Variants in PHKB observed in about 807,000 individuals in gnomAD.
PHKB encodes phosphorylase kinase regulatory subunit beta, also known as phosphorylase b kinase regulatory subunit beta.
PHKB carries 122 observed loss-of-function variants against 152.1 expected under a neutral mutation model. That is an observed-to-expected ratio of 0.80 (90% CI 0.69 to 0.93). The LOEUF is 0.93. Among genes scored for constraint, PHKB ranks in the 40% least tolerant of loss-of-function variants. PHKB has a pLI of 0.00. For synonymous variants in PHKB, 436 were observed against 464.9 expected (o/e 0.94, Z 0.80); for missense variants, 1,304 against 1,328.4 (o/e 0.98, Z 0.29).
intron 6 of PHKB, among the ~76,000 whole-genome samples, chr16:47,545,402 C>T (rs1028138363): frequency 6.6e-5 from 10 of 152,108 alleles, no homozygotes; most frequent in Admixed American, 2.0e-4. Flanking sequence ...CTTTTCTTTA[C>T]GAATGGCGAA....
At position 47,677,465 on chromosome 16, in the gene PHKB, C is replaced by A. The variant is rs531062708; in HGVS notation, c.2630+8048C>A. The stretch of plus-strand genomic sequence containing the variant: ...CTCACAATCTGCAGGCTGGAAAGGC[C>A]AAGGTCAGGGTCCCTGCCAATTTGG... On this transcript the variant is annotated intron_variant, in intron 26 of 30. Coordinates refer to ENST00000323584, the MANE Select transcript of PHKB (RefSeq NM_000293.3). 9.2e-5 allele frequency among the ~76,000 whole-genome samples: 14 copies of A among 152,278 alleles called. No individual in the cohort carries two copies. The South Asian group carries it at 2.3e-3, about 25-fold the overall frequency.
At chr16:47,523,598 G>A (rs1970719697) in intron 6 of PHKB, among the ~76,000 whole-genome samples, 1 of 152,196 alleles carries the variant, frequency 6.6e-6, no homozygotes, top group South Asian at 2.1e-4. Flanking sequence ...GGGAGTATTA[G>A]CTCAGGTCTT....
chr16:47,594,222 TG>T lies in PHKB; in HGVS notation c.1204+9del. On this transcript the variant is annotated intron_variant, in intron 12 of 30. Coordinates refer to ENST00000323584, the MANE Select transcript of PHKB (RefSeq NM_000293.3). ...TTCATCATACCACAGAAGGTATAGT[TG>T]TTTTTTTAAGAAATTCTTCCTACCA... is the stretch of plus-strand genomic sequence containing the variant. 6.9e-7 allele frequency: 1 copy of T among 1,449,418 alleles called. No individual in the cohort carries two copies. The highest frequency in any genetic ancestry group is 9.7e-7 in the Non-Finnish European group (1 of 1,030,524). 89.8% of individuals were successfully genotyped at this position (1,449,418 alleles called of 1,614,324 possible).
chr16:47,553,951 C>T (rs1432449296), intron 7 of PHKB, among the ~76,000 whole-genome samples: 1 of 152,168 alleles, frequency 6.6e-6, no homozygotes, highest in Non-Finnish European at 1.5e-5. Context: ...CCAGCTGGAT[C>T]TCTCCTGTAT....
chr16:47,681,826 G>C (rs1456801319), intron 26 of PHKB, among the ~76,000 whole-genome samples: 2 of 152,080 alleles, frequency 1.3e-5, no homozygotes, highest in South Asian at 2.1e-4. Flanking sequence ...ATGTTAGCTG[G>C]TTATTTTGCT....
intron 14 of PHKB, among the ~76,000 whole-genome samples, chr16:47,614,745 T>C (rs536676697): frequency 1.3e-5 from 2 of 152,360 alleles, no homozygotes; most frequent in South Asian, 4.1e-4. Context: ...AAATTTTTGC[T>C]TCAACCATAA....
intron 26 of PHKB, among the ~76,000 whole-genome samples, chr16:47,679,130 A>T (rs975278961): frequency 6.6e-6 from 1 of 152,016 alleles, no homozygotes; most frequent in African/African-American, 2.4e-5. Context: ...ATTGGTCTAT[A>T]TCTCTGTTTT....
At chr16:47,666,822 A>G (rs1973547808) in intron 25 of PHKB, among the ~76,000 whole-genome samples, 1 of 152,176 alleles carries the variant, frequency 6.6e-6, no homozygotes, top group African/African-American at 2.4e-5. Context: ...TGTTTTCTAT[A>G]AGCTCTAATT....
intron 13 of PHKB, chr16:47,597,921 G>A (rs1355538700): frequency 1.3e-5 from 2 of 151,364 alleles, no homozygotes; most frequent in East Asian, 3.9e-4. Context: ...CTGTGCAATG[G>A]GAAATCTTTC....
intron 3 of PHKB, among the ~76,000 whole-genome samples, chr16:47,501,062 T>A (rs1205195087): frequency 1.3e-5 from 2 of 152,218 alleles, no homozygotes; most frequent in Non-Finnish European, 2.9e-5. Context: ...AATATGGCTT[T>A]ATTAAATGTA....
chr16:47,542,494 G>A (rs2151669075), intron 6 of PHKB, among the ~76,000 whole-genome samples: 1 of 152,174 alleles, frequency 6.6e-6, no homozygotes, highest in Middle Eastern at 3.4e-3. Context: ...ATCTTTTTTG[G>A]TTCCATATGA....
chr16:47,631,793 G>T (rs928465788), intron 14 of PHKB, among the ~76,000 whole-genome samples: 5 of 152,138 alleles, frequency 3.3e-5, no homozygotes, highest in Non-Finnish European at 7.3e-5. Flanking sequence ...CCATGTCCCT[G>T]CAAGGGACAT....
intron 6 of PHKB, among the ~76,000 whole-genome samples, chr16:47,540,980 A>G (rs983088223): frequency 1.3e-5 from 2 of 151,860 alleles, no homozygotes; most frequent in Admixed American, 1.3e-4. Flanking sequence ...GGCATACATC[A>G]CCACGCCTGG....
In PHKB at chr16:47,620,072, GC is replaced by G. The variant is rs1291898200; in HGVS notation, c.1458+9153del. On this transcript the variant is annotated intron_variant, in intron 14 of 30. Transcript: ENST00000323584. ...TGTCTGAAACTATTATATTTAACAG[GC>G]AATAGCCAGCCAGGAATTGCTTTTT... is the stretch of plus-strand genomic sequence containing the variant. Among the ~76,000 whole-genome samples, 6 of 152,182 alleles carry G rather than the reference GC, an allele frequency of 3.9e-5. No individual in the cohort carries two copies. The East Asian group carries it at 9.7e-4, about 25-fold the overall frequency.
At chr16:47,487,041 T>C in intron 1 of PHKB, among the ~76,000 whole-genome samples, 1 of 152,218 alleles carries the variant, frequency 6.6e-6, no homozygotes, top group African/African-American at 2.4e-5. Flanking sequence ...TAGAGAATCA[T>C]TAATGAAACA....
chr16:47,509,798 TCTTGAATTTGAGACA>T (rs1567285135), intron 4 of PHKB, among the ~76,000 whole-genome samples: 1 of 152,100 alleles, frequency 6.6e-6, no homozygotes, highest in Non-Finnish European at 1.5e-5. Flanking sequence ...ACCAAGCAGT[TCTTGAATTTGAGACA>T]CCAACTGGGT....
At chr16:47,633,818 G>A (rs909834993) in intron 14 of PHKB, among the ~76,000 whole-genome samples, 7 of 152,140 alleles carry the variant, frequency 4.6e-5, no homozygotes, top group Non-Finnish European at 8.8e-5. Context: ...ATTAGTTTTG[G>A]GGTAGAGGTA....
chr16:47,572,419 ATG>A (rs1054492537), intron 7 of PHKB, among the ~76,000 whole-genome samples: 1 of 152,070 alleles, frequency 6.6e-6, no homozygotes, highest in African/African-American at 2.4e-5. Context: ...TCTATTTGGG[ATG>A]TGACTATTTA....
intron 7 of PHKB, among the ~76,000 whole-genome samples, chr16:47,569,747 A>T (rs1466670697): frequency 6.6e-6 from 1 of 152,138 alleles, no homozygotes; most frequent in Admixed American, 6.6e-5. Context: ...CAGCCTCCCC[A>T]GTAGCTGGGA....
Sources: allele counts gnomAD v4.1 joint callset (sites outside exome capture counted in the v4.1 genomes callset), GRCh38; gene constraint gnomAD v4.1.1; transcripts MANE v1.5; gene names NCBI Gene and HGNC (gene_info 2026-07-23, HGNC 2026-07-21).